ADAR: variants seen among roughly 807,000 people sequenced by gnomAD.
ADAR encodes the protein adenosine deaminase RNA specific, also known as double-stranded RNA-specific adenosine deaminase.
A neutral mutation model predicts 113.2 loss-of-function variants in ADAR; 41 were observed. That is an observed-to-expected ratio of 0.36 (90% CI 0.28 to 0.47). ADAR has a LOEUF of 0.47. Among genes scored for constraint, ADAR ranks in the 20% least tolerant of loss-of-function variants. The pLI, the probability that ADAR is intolerant of heterozygous loss-of-function variation, is 1.00. For missense variants in ADAR, 1,242 were observed against 1,540.9 expected, an observed-to-expected ratio of 0.81 and a Z score of 3.25; for synonymous variants, 605 against 572.6, an observed-to-expected ratio of 1.06 and a Z score of -0.81.
chr1:154,616,327 C>T (rs1327705964), intron 1 of ADAR, among the ~76,000 whole-genome samples: 1 of 152,198 alleles, frequency 6.6e-6, no homozygotes, highest in Non-Finnish European at 1.5e-5. Context: ...CAAAGCCTTA[C>T]GTGGCCTAGC....
At chr1:154,587,980 C>T (rs1355696707) in intron 11 of ADAR, 145 bp downstream of exon 11, 2 of 1,299,364 alleles carry the variant, frequency 1.5e-6, no homozygotes, top group Non-Finnish European at 2.2e-6. Flanking sequence ...CACACAGCTC[C>T]CTGACCCAGG....
At chr1:154,590,135 A>AGGGGGGGGGGGGGGGGGGGGGGGGG in intron 7 of ADAR, 49 bp downstream of exon 7, 1 of 1,205,042 alleles carries the variant, frequency 8.3e-7, no homozygotes, top group Non-Finnish European at 1.2e-6. Flanking sequence ...CTTAGGAGTT[A>AGGGGGGGGGGGGGGGGGGGGGGGGG]GGAGGACCCC....
Position 154,589,350 on chromosome 1 carries a change from C to T in ADAR, c.2762+19G>A. The T allele has an allele frequency of 6.2e-7, 1 of 1,609,576 alleles. No individual in the cohort carries two copies. Among genetic ancestry groups the T allele is most frequent in the Non-Finnish European group, 8.5e-7 (1 of 1,176,140 alleles). ...TCTCCACAGCCGGGCAGCCGGGCCA[C>T]AGCTCTGACCTCGCTCACCTGATGA... is the stretch of plus-strand genomic sequence containing the variant. On this transcript the variant is annotated intron_variant, in intron 9 of 14. Coordinates refer to ENST00000368474, the MANE Select transcript of ADAR (RefSeq NM_001111.5).
rs557278463 is a variant in ADAR, at chr1:154,625,673, A to G, written c.-871+2182T>C. Among the ~76,000 whole-genome samples the G allele has an allele frequency of 1.3e-4, 20 of 152,332 alleles. No homozygotes were observed. In the East Asian group the frequency reaches 3.9e-3, roughly 29 times the overall value. ...CAGGAGTTCGAGACCAGCCTGGCCA[A>G]CATGGTGAAACCCCATCTCTACTAA... is the stretch of plus-strand genomic sequence containing the variant. On this transcript the variant is annotated intron_variant, in intron 1 of 14. Coordinates refer to the ADAR transcript ENST00000368471.
upstream of ADAR, among the ~76,000 whole-genome samples, chr1:154,612,871 G>A (rs1698528256): frequency 6.6e-6 from 1 of 151,908 alleles, no homozygotes; most frequent in Non-Finnish European, 1.5e-5. Context: ...GAGTGCAGTG[G>A]TGCGATCTCA....
At position 154,602,193 on chromosome 1, in the gene ADAR, A is replaced by G. The variant is rs1319464614; in HGVS notation, c.449T>C (p.Leu150Pro). The change falls in exon 2 of 15, where the codon CTT becomes CCT. Residue 150 changes from leucine (L) to proline (P), a missense_variant. Physicochemically the swap from Leu to Pro is moderately conservative, Grantham distance 98 (BLOSUM62 -3). Transcript: ENST00000368474. Reference protein sequence around the residue: ...EQRILKFLEELGEGKATTAHD... With the variant: ...EQRILKFLEEPGEGKATTAHD... ...TGCTGTGGTGGCCTTCCCTTCCCCA[A>G]GCTCTTCCAGGAACTTTAAGATCCT... is the stretch of plus-strand genomic sequence containing the variant. The G allele has an allele frequency of 1.9e-6, 3 of 1,614,104 alleles. No individual in the cohort carries two copies. Among genetic ancestry groups the G allele is most frequent in the Non-Finnish European group, 2.5e-6 (3 of 1,180,012 alleles).
intron 6 of ADAR, among the ~76,000 whole-genome samples, chr1:154,595,745 A>C (rs1697450531): frequency 6.6e-6 from 1 of 152,242 alleles, no homozygotes; most frequent in East Asian, 1.9e-4. Context: ...AGTTAGCCTA[A>C]GTGAACAGTG....
intron 8 of ADAR, 93 bp downstream of exon 8, chr1:154,589,664 G>A: frequency 6.7e-7 from 1 of 1,497,796 alleles, no homozygotes; most frequent in Admixed American, 1.7e-5. Flanking sequence ...TCTTCTCCCT[G>A]CCTTGGACTT....
chr1:154,608,202 T>C (rs958969690), upstream of ADAR: 1 of 628,590 alleles, frequency 1.6e-6, no homozygotes, highest in African/African-American at 2.0e-5. Context: ...CGCTTTCGTT[T>C]CCTCGGAAAG....
rs886045334 is a variant in ADAR, at chr1:154,584,483, C to G, written c.*323G>C. 2.8e-5 allele frequency: 9 copies of G among 320,916 alleles called. No homozygotes were observed. In the East Asian group the frequency reaches 5.3e-4, roughly 19 times the overall value. 19.9% of individuals were successfully genotyped at this position (320,916 alleles called of 1,614,324 possible). A position where few individuals can be genotyped will look rare whatever the true frequency, so the allele number is the denominator to read the frequency against. Reference sequence around the variant, plus strand: ...AACACAAAGGGAAAGGAAATGGAAACAAATCAAAACAAAACTTTTAAGAGG... The same window carrying G: ...AACACAAAGGGAAAGGAAATGGAAAGAAATCAAAACAAAACTTTTAAGAGG... On this transcript the variant is annotated 3_prime_UTR_variant, in exon 15 of 15. Transcript: ENST00000368474.
chr1:154,598,677 C>T (rs1481179842), intron 2 of ADAR, 92 bp from the exon 3 acceptor site: 15 of 1,317,074 alleles, frequency 1.1e-5, no homozygotes, highest in East Asian at 4.7e-5. Flanking sequence ...TTTTCTGCTA[C>T]GCTAAGGGGC....
Position 154,584,919 on chromosome 1 carries a change from G to A in ADAR, c.3568C>T (p.Arg1190Cys), listed in dbSNP as rs979532140. Residue 1190 changes from arginine (R) to cysteine (C), a missense_variant, in exon 15 of 15, where the codon CGT becomes TGT. Physicochemically the swap from Arg to Cys is radical, Grantham distance 180 (BLOSUM62 -3). Transcript: ENST00000368474. ...LSYGEAKKAA[R>C]DYETAKNYFK... ...TAGTTCTTGGCCGTCTCGTAGTCAC[G>A]GGCAGCTTTCTTGGCCTCACCATAG... The A allele has an allele frequency of 5.0e-6, 8 of 1,613,940 alleles. No individual in the cohort carries two copies. Among genetic ancestry groups the A allele is most frequent in the South Asian group, 1.1e-5 (1 of 91,080 alleles).
chr1:154,582,928 T>C lies in ADAR; in HGVS notation c.*1878A>G, dbSNP rs1313848822. On this transcript the variant is annotated 3_prime_UTR_variant, in exon 15 of 15. Transcript: ENST00000368474. ...TTCCCTACCAGTTCCTTGGGATGCT[T>C]TGGTGTTCTGCAAAGGCATCCTTAG... is the stretch of plus-strand genomic sequence containing the variant. 1 of 152,226 alleles carries C rather than the reference T, an allele frequency of 6.6e-6. No individual in the cohort carries two copies. The highest frequency in any genetic ancestry group is 1.5e-5 in the Non-Finnish European group (1 of 68,042). The allele number at this position is 152,226 out of a possible 1,614,324, so 9.4% of individuals were successfully genotyped here. A position where few individuals can be genotyped will look rare whatever the true frequency, so the allele number is the denominator to read the frequency against.
At position 154,596,819 on chromosome 1, in the gene ADAR, A is replaced by G; in HGVS notation, c.2256T>C (p.Pro752=). 1 of 1,613,212 alleles carries G rather than the reference A, an allele frequency of 6.2e-7. No homozygotes were observed. Residue 752 remains proline, a synonymous_variant, in exon 6 of 15, where the codon CCT becomes CCC. Coordinates refer to ENST00000368474, the MANE Select transcript of ADAR (RefSeq NM_001111.5). ...AEFKLVDQSG[P]PHEPKFVYQA... is the part of the protein sequence containing the mutation. ...AGGACACTCACTTGGGCTCGTGAGG[A>G]GGTCCGGACTGGTCGACCAACTTGA...
At chr1:154,596,411 T>A (rs1420543163) in intron 6 of ADAR, among the ~76,000 whole-genome samples, 1 of 152,078 alleles carries the variant, frequency 6.6e-6, no homozygotes, top group African/African-American at 2.4e-5. Flanking sequence ...CAGCTAATTT[T>A]TGTATTTTTA....
chr1:154,607,901 A>G, intron 1 of ADAR, 91 bp downstream of exon 1: 1 of 1,582,248 alleles, frequency 6.3e-7, no homozygotes, highest in Non-Finnish European at 8.6e-7. Flanking sequence ...TAACACTCAC[A>G]AGACGCACAC....
At position 154,602,493 on chromosome 1, in the gene ADAR, T is replaced by C. The variant is rs779125614; in HGVS notation, c.149A>G (p.Gln50Arg). 2 of 1,614,214 alleles carry C rather than the reference T, an allele frequency of 1.2e-6. No individual in the cohort carries two copies. Among genetic ancestry groups the C allele is most frequent in the Non-Finnish European group, 1.7e-6 (2 of 1,180,038 alleles). ...TCCAATCACCGGTGCTTCTGGGAGC[T>C]GCCCCTTGAGAAATTCTATTTGCTT... ...LLKQIEFLKG[Q>R]LPEAPVIGKQ... Residue 50 changes from glutamine (Q) to arginine (R), a missense_variant, in exon 2 of 15, where the codon CAG becomes CGG. Transcript: ENST00000368474.
chr1:154,602,668 G>A (rs764522855), intron 1 of ADAR, 42 bp from the exon 2 acceptor site: 2 of 1,607,320 alleles, frequency 1.2e-6, no homozygotes, highest in South Asian at 2.2e-5. Flanking sequence ...AATTAGGGCT[G>A]CAGTGGTGAA....
In ADAR at chr1:154,586,323, A is replaced by G. The variant is rs756562310; in HGVS notation, c.3060T>C (p.Pro1020=). 7 of 1,614,108 alleles carry G rather than the reference A, an allele frequency of 4.3e-6. No homozygotes were observed. The African/African-American group carries it at 9.3e-5, about 22-fold the overall frequency. Residue 1020 remains proline, a synonymous_variant, in exon 12 of 15, where the codon CCT becomes CCC. Coordinates refer to ENST00000368474, the MANE Select transcript of ADAR (RefSeq NM_001111.5). ...CCCCGAGCCGAATGCCATCCCACGT[A>G]GGCACAATGTCACTGGATTCCACAG... ...TIPVESSDIV[P]TWDGIRLGER... is the part of the protein sequence containing the mutation.
Sources: gnomAD v4.1 joint callset for allele counts (sites outside exome capture counted in the v4.1 genomes callset) on GRCh38, gnomAD v4.1.1 for gene constraint, MANE v1.5 for transcripts, NCBI Gene and HGNC (gene_info 2026-07-23, HGNC 2026-07-21) for gene names.